The following TLR10 variants were observed in gnomAD, a reference collection of about 807,000 sequenced individuals.
TLR10 encodes the protein toll-like receptor 10.
For synonymous variants in TLR10, 288 were observed against 338.8 expected (o/e 0.85, Z 1.65); for missense variants, 929 against 932.9 (o/e 1.00, Z 0.05).
At position 38,776,179 on chromosome 4, in the gene TLR10, C is replaced by T; in HGVS notation, c.-321G>A. On this transcript the variant is annotated 5_prime_UTR_variant, in exon 2 of 4. Coordinates refer to ENST00000308973, the MANE Select transcript of TLR10 (RefSeq NM_030956.4). ...CTGTCCTTCTGCCTCTATATGTCTT[C>T]AGGTTGGTGGCAAAAGCAATCTGGA... The T allele has an allele frequency of 5.9e-6, 1 of 170,020 alleles. No homozygotes were observed. The highest frequency in any genetic ancestry group is 1.6e-4 in the South Asian group (1 of 6,276). 10.5% of individuals were successfully genotyped at this position (170,020 alleles called of 1,614,324 possible).
At chr4:38,777,716 C>A (rs1374013598) in intron 1 of TLR10, among the ~76,000 whole-genome samples, 1 of 152,110 alleles carries the variant, frequency 6.6e-6, no homozygotes, top group Non-Finnish European at 1.5e-5. Context: ...GATCACTGGT[C>A]ATTAGAGAAA....
chr4:38,779,829 CA>C (rs1449534775), intron 1 of TLR10, among the ~76,000 whole-genome samples: 10 of 152,100 alleles, frequency 6.6e-5, no homozygotes, highest in Admixed American at 6.5e-4. Flanking sequence ...AACTTTCATT[CA>C]TTTGCTTGTC....
Position 38,774,432 on chromosome 4 carries a change from G to C in TLR10, c.1159C>G (p.Leu387Val). 2.5e-6 allele frequency: 4 copies of C among 1,613,156 alleles called. No homozygotes were observed. Among genetic ancestry groups the C allele is most frequent in the South Asian group, 1.1e-5 (1 of 90,710 alleles). The change falls in exon 4 of 4, where the codon CTT (leucine) becomes GTT (valine). Residue 387 changes from leucine (L) to valine (V), a missense_variant. By Grantham distance (32) the Leu-to-Val change is conservative. Transcript: ENST00000308973. ...LILNGNKLET[L>V]SLVSCFANNT... ...TTAGCAAAGCAACTTACTAAAGAAA[G>C]TGTCTCCAGTTTATTGCCATTCAAA...
In TLR10 at chr4:38,772,521, A is replaced by G. The variant is rs1315806397; in HGVS notation, c.*634T>C. On this transcript the variant is annotated 3_prime_UTR_variant, in exon 4 of 4. Transcript: ENST00000308973. Reference sequence around the variant, plus strand: ...ATACCAGGAAATATACAGCTACCTTATTCTTTTTAGTGGCATGTAATATTA... The same window carrying G: ...ATACCAGGAAATATACAGCTACCTTGTTCTTTTTAGTGGCATGTAATATTA... The G allele has an allele frequency of 6.6e-6, 1 of 151,844 alleles. No individual in the cohort carries two copies. Among genetic ancestry groups the G allele is most frequent in the Non-Finnish European group, 1.5e-5 (1 of 68,000 alleles). The allele number at this position is 151,844 out of a possible 1,614,324, so 9.4% of individuals were successfully genotyped here.
In TLR10 at chr4:38,773,355, TC is replaced by T. The variant is rs751797756; in HGVS notation, c.2235del (p.Ala747LeufsTer34). 1 of 1,614,058 alleles carries T rather than the reference TC, an allele frequency of 6.2e-7. No homozygotes were observed. Among genetic ancestry groups the T allele is most frequent in the South Asian group, 1.1e-5 (1 of 91,040 alleles). On this transcript the variant is annotated frameshift_variant, in exon 4 of 4. Coordinates refer to ENST00000308973, the MANE Select transcript of TLR10 (RefSeq NM_030956.4). LOFTEE classifies it low-confidence loss of function (END_TRUNC). Reference protein sequence around the residue: ...FYCIPTRYHKLKALLEKKAYL... With the variant: ...FYCIPTRYHKXKALLEKKAYL... ...TATGCTTTTTTTTCCAGGAGAGCTTTCAGTTTATGATACCTGGTGGGAATGC... is the reference window on the plus strand; with the variant it reads ...TATGCTTTTTTTTCCAGGAGAGCTTTAGTTTATGATACCTGGTGGGAATGC...
At chr4:38,777,562 G>C (rs1725131176) in intron 1 of TLR10, among the ~76,000 whole-genome samples, 1 of 152,052 alleles carries the variant, frequency 6.6e-6, no homozygotes, top group Non-Finnish European at 1.5e-5. Context: ...ATCTGACAAA[G>C]GGCTAATACC....
intron 1 of TLR10, among the ~76,000 whole-genome samples, chr4:38,779,477 T>C (rs1339804456): frequency 6.6e-6 from 1 of 152,220 alleles, no homozygotes; most frequent in Non-Finnish European, 1.5e-5. Flanking sequence ...TATGTAAATA[T>C]AACACAGGAT....
At position 38,775,188 on chromosome 4, in the gene TLR10, A is replaced by T. The variant is rs1724967422; in HGVS notation, c.403T>A (p.Cys135Ser). 1 of 1,613,634 alleles carries T rather than the reference A, an allele frequency of 6.2e-7. No individual in the cohort carries two copies. Among genetic ancestry groups the T allele is most frequent in the African/African-American group, 1.3e-5 (1 of 74,904 alleles). The change falls in exon 4 of 4, where the codon TGT becomes AGT. Residue 135 changes from cysteine (C) to serine (S), a missense_variant. Physicochemically the swap from Cys to Ser is moderately radical, Grantham distance 112 (BLOSUM62 -1). Transcript: ENST00000308973. ...SFNDFDTMPI[C>S]EEAGNMSHLE... ...TGTGACATGTTGCCAGCTTCCTCACAGATAGGCATGGTGTCAAAGTCATTA... is the reference window on the plus strand; with the variant it reads ...TGTGACATGTTGCCAGCTTCCTCACTGATAGGCATGGTGTCAAAGTCATTA...
intron 1 of TLR10, among the ~76,000 whole-genome samples, chr4:38,778,359 C>G (rs9991431): frequency 0.095 from 14,445 of 152,014 alleles, 1,192 homozygotes; most frequent in African/African-American, 0.2. Flanking sequence ...TGCAGCAAAC[C>G]ACCATGGCAT....
chr4:38,774,921 C>T lies in TLR10; in HGVS notation c.670G>A (p.Gly224Ser). 1 of 1,611,132 alleles carries T rather than the reference C, an allele frequency of 6.2e-7. No individual in the cohort carries two copies. The highest frequency in any genetic ancestry group is 8.5e-7 in the Non-Finnish European group (1 of 1,179,082). Residue 224 changes from glycine (G) to serine (S), a missense_variant, in exon 4 of 4, where the codon GGC becomes AGC. By Grantham distance (56) the Gly-to-Ser change is moderately conservative. Coordinates refer to ENST00000308973, the MANE Select transcript of TLR10 (RefSeq NM_030956.4). ...SKILEMTNID[G>S]KSQFVSYEMQ... ...TCATAACTTACAAATTGGCTTTTGCCATCTATATTTGTCATTTCTAATATT... is the reference window on the plus strand; with the variant it reads ...TCATAACTTACAAATTGGCTTTTGCTATCTATATTTGTCATTTCTAATATT...
Position 38,773,184 on chromosome 4 carries a change from T to C in TLR10, c.2407A>G (p.Ile803Val), listed in dbSNP as rs538415534. The change falls in exon 4 of 4, where the codon ATC becomes GTC. Residue 803 changes from isoleucine (I) to valine (V), a missense_variant. Coordinates refer to ENST00000308973, the MANE Select transcript of TLR10 (RefSeq NM_030956.4). ...AGACAATCTGTTCTCATCAGAGAGA[T>C]TGTAGAACCTCGAGACTCTTCATTT... ...ELNEESRGSTISLMRTDCL is the reference protein window; with the variant it reads ...ELNEESRGSTVSLMRTDCL The C allele has an allele frequency of 2.9e-5, 45 of 1,544,556 alleles. No homozygotes were observed. In the Middle Eastern group the frequency reaches 5.2e-4, roughly 18 times the overall value.
At chr4:38,781,860 G>A (rs1725434573) in intron 1 of TLR10, among the ~76,000 whole-genome samples, 1 of 152,174 alleles carries the variant, frequency 6.6e-6, no homozygotes, top group Non-Finnish European at 1.5e-5. Flanking sequence ...GGAGCTAAGT[G>A]TTTTATGTCC....
chr4:38,774,435 T>A lies in TLR10; in HGVS notation c.1156A>T (p.Thr386Ser), dbSNP rs745655805. The A allele has an allele frequency of 6.2e-7, 1 of 1,613,086 alleles. No homozygotes were observed. The highest frequency in any genetic ancestry group is 8.5e-7 in the Non-Finnish European group (1 of 1,179,752). Reference sequence around the variant, plus strand: ...GCAAAGCAACTTACTAAAGAAAGTGTCTCCAGTTTATTGCCATTCAAAATG... The same window carrying A: ...GCAAAGCAACTTACTAAAGAAAGTGACTCCAGTTTATTGCCATTCAAAATG... ...TLILNGNKLETLSLVSCFANN... is the reference protein window; with the variant it reads ...TLILNGNKLESLSLVSCFANN... The change falls in exon 4 of 4, where the codon ACA becomes TCA. Residue 386 changes from threonine to serine, a missense_variant. By Grantham distance (58) the Thr-to-Ser change is moderately conservative. Coordinates refer to ENST00000308973, the MANE Select transcript of TLR10 (RefSeq NM_030956.4).
Position 38,773,764 on chromosome 4 carries a change from C to CA in TLR10, c.1826dup (p.Met609IlefsTer13), listed in dbSNP as rs756082547. 16 of 1,611,822 alleles carry CA rather than the reference C, an allele frequency of 9.9e-6. No homozygotes were observed. In the East Asian group the frequency reaches 3.1e-4, roughly 31 times the overall value. ...GCCATGTTTGTGTGCATTGACCTAG[C>CA]ATCCTGAGATACCAGGGCAGATCAA... On this transcript the variant is annotated frameshift_variant, in exon 4 of 4. Coordinates refer to ENST00000308973, the MANE Select transcript of TLR10 (RefSeq NM_030956.4). LOFTEE classifies it low-confidence loss of function (END_TRUNC).
rs559685966 is a variant in TLR10, at chr4:38,773,212, C to T, written c.2379G>A (p.Glu793=). The T allele has an allele frequency of 6.3e-7, 1 of 1,575,870 alleles. No individual in the cohort carries two copies. Among genetic ancestry groups the T allele is most frequent in the African/African-American group, 1.4e-5 (1 of 73,232 alleles). Residue 793 remains glutamate (E), a synonymous_variant, in exon 4 of 4, where the codon GAG becomes GAA. Coordinates refer to ENST00000308973, the MANE Select transcript of TLR10 (RefSeq NM_030956.4). ...TAGAACCTCGAGACTCTTCATTTAA[C>T]TCTGTGAATGTCTGCAGTTCATACA... is the stretch of plus-strand genomic sequence containing the variant. The part of the protein sequence containing the change: ...REMYELQTFT[E]LNEESRGSTI...
At chr4:38,781,438 G>A (rs886511184) in intron 1 of TLR10, among the ~76,000 whole-genome samples, 2 of 151,932 alleles carry the variant, frequency 1.3e-5, no homozygotes, top group Admixed American at 1.3e-4. Flanking sequence ...AGGTTCAAGC[G>A]ATTCTCCTGC....
rs1238808067 is a variant in TLR10 at position 38,774,119 on chromosome 4, G to T, written c.1472C>A (p.Ser491Ter). 3.1e-6 allele frequency: 5 copies of T among 1,610,820 alleles called. 1 individual carries two copies. Among genetic ancestry groups the T allele is most frequent in the South Asian group, 1.1e-5 (1 of 90,804 alleles). Residue 491 changes from serine (S) to a stop codon, truncating the protein, a stop_gained, in exon 4 of 4, where the codon TCA (serine) becomes TAA (stop). Coordinates refer to ENST00000308973, the MANE Select transcript of TLR10 (RefSeq NM_030956.4). LOFTEE classifies it low-confidence loss of function (END_TRUNC). ...LPGCSHFSRL[S>*]VLNIEMNFIL... ...GAAGTTCATTTCAATGTTCAGAACT[G>T]AAAGTCTACTGAAATGACTGCATCC...
At position 38,775,486 on chromosome 4, in the gene TLR10, G is replaced by A. The variant is rs371434480; in HGVS notation, c.105C>T (p.Ser35=). 7.4e-6 allele frequency: 12 copies of A among 1,614,110 alleles called. No individual in the cohort carries two copies. Among genetic ancestry groups the A allele is most frequent in the Non-Finnish European group, 1.0e-5 (12 of 1,180,008 alleles). The change falls in exon 4 of 4, where the codon TCC becomes TCT. Residue 35 remains serine, a synonymous_variant. Transcript: ENST00000308973. The part of the protein sequence containing the change: ...PEERELMTNC[S]NMSLRKVPAD... ...CGGGAACCTTTCTTAGAGACATGTT[G>A]GAGCAGTTGGTCATCAGTTCCCTTT... is the stretch of plus-strand genomic sequence containing the variant.
rs1724955067 is a variant in TLR10, at chr4:38,775,075, TAAG to T, written c.513_515del (p.Phe171del). ...CATAATGAGGAAGAGTTCTGAATCC[TAAG>T]AAGACAGTATTTAGATGCAGATGAG... On this transcript the variant is annotated inframe_deletion, in exon 4 of 4. Transcript: ENST00000308973. 6.2e-7 allele frequency: 1 copy of T among 1,612,838 alleles called. No individual in the cohort carries two copies. The highest frequency in any genetic ancestry group is 8.5e-7 in the Non-Finnish European group (1 of 1,179,974).
Sources: allele counts gnomAD v4.1 joint callset (sites outside exome capture counted in the v4.1 genomes callset), GRCh38; gene constraint gnomAD v4.1.1; transcripts MANE v1.5; gene names NCBI Gene and HGNC (gene_info 2026-07-23, HGNC 2026-07-21).